The following ZFHX3 variants were observed in gnomAD, a reference collection of about 807,000 sequenced individuals.
ZFHX3 encodes zinc finger homeobox 3.
In ZFHX3, 42 loss-of-function variants were observed where a neutral mutation model predicts 279.1. That is an observed-to-expected ratio of 0.15 (90% CI 0.12 to 0.19). The LOEUF (loss-of-function observed/expected upper bound fraction) is 0.19, where lower values mean the gene tolerates loss of function less well. Ranked by LOEUF, ZFHX3 falls within the 10% of genes least tolerant of loss-of-function variation. The pLI is 1.00. For synonymous variants in ZFHX3, 2,293 were observed against 1,957.8 expected (o/e 1.17, Z -4.52); for missense variants, 4,981 against 4,754.0 (o/e 1.05, Z -1.40).
At chr16:73,190,150 C>T (rs894889842) in intron 5 of ZFHX3, among the ~76,000 whole-genome samples, 1 of 152,176 alleles carries the variant, frequency 6.6e-6, no homozygotes, top group Non-Finnish European at 1.5e-5. Context: ...GACTAAGACT[C>T]ACCTTAAGGA....
At chr16:73,391,202 G>A (rs1045687638) in intron 3 of ZFHX3, among the ~76,000 whole-genome samples, 4 of 152,142 alleles carry the variant, frequency 2.6e-5, no homozygotes, top group Non-Finnish European at 4.4e-5. Flanking sequence ...TTGGCCAGAC[G>A]CGGTGGCTCA....
At chr16:72,891,283 A>G (rs2038767300) in intron 3 of ZFHX3, among the ~76,000 whole-genome samples, 1 of 152,208 alleles carries the variant, frequency 6.6e-6, no homozygotes, top group Admixed American at 6.5e-5. Flanking sequence ...ATCCCAGAGC[A>G]TGGCAGCCTA....
At chr16:73,344,439 G>C (rs1567456137) in intron 3 of ZFHX3, among the ~76,000 whole-genome samples, 1 of 152,200 alleles carries the variant, frequency 6.6e-6, no homozygotes, top group Non-Finnish European at 1.5e-5. Flanking sequence ...AGAGAGATGT[G>C]ACAACGAAAG....
rs555314162 is a variant in ZFHX3 at position 73,888,793 on chromosome 16, C to T, written c.-1608+2858G>A. On this transcript the variant is annotated intron_variant, in intron 1 of 17. Coordinates refer to the ZFHX3 transcript ENST00000641206. ...GGGCTAAGTGTAAGCAGAAACAATT[C>T]AGAGAGGCTGGGGTCCACCTTGGAG... 1.4e-4 allele frequency among the ~76,000 whole-genome samples: 22 copies of T among 152,174 alleles called. No individual in the cohort carries two copies. In the South Asian group the frequency reaches 4.2e-3, roughly 29 times the overall value.
chr16:73,291,351 A>T (rs924328561), intron 4 of ZFHX3, among the ~76,000 whole-genome samples: 2 of 152,174 alleles, frequency 1.3e-5, no homozygotes, highest in African/African-American at 4.8e-5. Context: ...GGGAGCTGCC[A>T]GTGAAAAAAA....
chr16:73,554,867 C>T (rs1281134912), intron 2 of ZFHX3: 1 of 152,110 alleles, frequency 6.6e-6, no homozygotes, highest in East Asian at 1.9e-4. Context: ...GTCTACTAGG[C>T]CGGGATATTA....
intron 4 of ZFHX3, among the ~76,000 whole-genome samples, chr16:72,881,556 T>C (rs958669794): frequency 2.0e-5 from 3 of 152,214 alleles, no homozygotes; most frequent in Non-Finnish European, 2.9e-5. Context: ...AAGTTTCATA[T>C]AGGATGTAAG....
chr16:73,346,178 CCAGA>C (rs1283869567), intron 3 of ZFHX3, among the ~76,000 whole-genome samples: 22 of 152,232 alleles, frequency 1.4e-4, no homozygotes, highest in East Asian at 3.9e-4. Flanking sequence ...ATTCAGATGC[CCAGA>C]CAAAGTGTGA....
At chr16:73,600,578 C>T (rs1481293103) in intron 2 of ZFHX3, among the ~76,000 whole-genome samples, 2 of 151,976 alleles carry the variant, frequency 1.3e-5, no homozygotes, top group African/African-American at 4.8e-5. Context: ...CCACCACGCC[C>T]GGCCAATGTT....
chr16:73,780,136 TTTTTTTTTTTTTTTTTTTTTTTTG>T (rs1959413349), intron 1 of ZFHX3, among the ~76,000 whole-genome samples: 2 of 104,620 alleles, frequency 1.9e-5, no homozygotes, highest in Admixed American at 9.6e-5. Flanking sequence ...TTTTTTTTTT[TTTTTTTTTTTTTTTTTTTTTTTTG>T]AGGCAGAGTC....
chr16:73,611,847 G>A (rs1412420849), intron 2 of ZFHX3, among the ~76,000 whole-genome samples: 1 of 152,126 alleles, frequency 6.6e-6, no homozygotes, highest in African/African-American at 2.4e-5. Context: ...TCCTAAAAAT[G>A]TAAATGGTTT....
At chr16:73,477,050 A>T (rs2018777614) in intron 2 of ZFHX3, among the ~76,000 whole-genome samples, 1 of 152,254 alleles carries the variant, frequency 6.6e-6, no homozygotes, top group Non-Finnish European at 1.5e-5. Flanking sequence ...GCACCTGCAT[A>T]ACAAAAACTT....
At chr16:72,878,619 C>A (rs977259445) in intron 4 of ZFHX3, among the ~76,000 whole-genome samples, 7 of 152,224 alleles carry the variant, frequency 4.6e-5, no homozygotes, top group East Asian at 3.8e-4. Context: ...TTCTTCATTT[C>A]TATCCTGGAG....
At chr16:73,462,838 T>C (rs1413380139) in intron 2 of ZFHX3, among the ~76,000 whole-genome samples, 2 of 152,200 alleles carry the variant, frequency 1.3e-5, no homozygotes, top group Non-Finnish European at 2.9e-5. Flanking sequence ...TAAAGATTTT[T>C]GCCTCTATGT....
rs530572708 is a variant in ZFHX3, at chr16:73,404,165, T to C, written c.-1291+51838A>G. ...GTTTCAGGGGCTGGGGGAAAGCTAA[T>C]GCCATCTAAAGGAGGCCAGCCCCTC... is the stretch of plus-strand genomic sequence containing the variant. On this transcript the variant is annotated intron_variant, in intron 3 of 17. Coordinates refer to the ZFHX3 transcript ENST00000641206. Among the ~76,000 whole-genome samples, 41 of 152,258 alleles carry C rather than the reference T, an allele frequency of 2.7e-4. No individual in the cohort carries two copies. In the East Asian group the frequency reaches 7.3e-3, roughly 27 times the overall value.
At chr16:73,889,786 C>G (rs1355346582) in intron 1 of ZFHX3, among the ~76,000 whole-genome samples, 1 of 152,172 alleles carries the variant, frequency 6.6e-6, no homozygotes, top group Non-Finnish European at 1.5e-5. Flanking sequence ...GCTCACCCTT[C>G]TACTGACTCT....
At chr16:73,605,429 G>T (rs1367143977) in intron 2 of ZFHX3, among the ~76,000 whole-genome samples, 1 of 152,252 alleles carries the variant, frequency 6.6e-6, no homozygotes, top group East Asian at 1.9e-4. Context: ...CGTTAAATCA[G>T]CTAATCTTTC....
At chr16:73,690,655 C>G (rs569878021) in intron 1 of ZFHX3, among the ~76,000 whole-genome samples, 2 of 152,160 alleles carry the variant, frequency 1.3e-5, no homozygotes, top group Non-Finnish European at 1.5e-5. Context: ...CTTTAGCAAA[C>G]GTGATGCAAT....
intron 4 of ZFHX3, among the ~76,000 whole-genome samples, chr16:73,290,115 A>C (rs918857160): frequency 6.6e-6 from 1 of 152,184 alleles, no homozygotes; most frequent in East Asian, 1.9e-4. Context: ...GGTTTCAAAC[A>C]GTATTCATTG....
Sources: allele counts gnomAD v4.1 joint callset (sites outside exome capture counted in the v4.1 genomes callset), GRCh38; gene constraint gnomAD v4.1.1; transcripts MANE v1.5; gene names NCBI Gene and HGNC (gene_info 2026-07-23, HGNC 2026-07-21).